KLRK1: variants seen among roughly 807,000 people sequenced by gnomAD.
KLRK1 encodes NKG2-D type II integral membrane protein.
A neutral mutation model predicts 31.3 loss-of-function variants in KLRK1; 40 were observed. That is an observed-to-expected ratio of 1.28 (90% confidence interval 0.99 to 1.67). The LOEUF is 1.67. Among genes scored for constraint, KLRK1 ranks in the 40% most tolerant of loss-of-function variants. KLRK1 has a pLI of 0.00. For synonymous variants in KLRK1, 77 were observed against 77.3 expected, an observed-to-expected ratio of 1.00 and a Z score of 0.02; for missense variants, 251 against 260.0, an observed-to-expected ratio of 0.97 and a Z score of 0.24.
chr12:10,385,138 G>T (rs1332723614), intron 3 of KLRK1, among the ~76,000 whole-genome samples: 17 of 152,084 alleles, frequency 1.1e-4, no homozygotes, highest in Non-Finnish European at 2.2e-4. Context: ...TACAATTTTG[G>T]TGGGAATGTA....
intron 2 of KLRK1, 119 bp downstream of exon 2, chr12:10,388,652 T>G: frequency 8.6e-7 from 1 of 1,161,072 alleles, no homozygotes; most frequent in Non-Finnish European, 1.2e-6. Flanking sequence ...TCAACATAAA[T>G]AGAACATGAA....
intron 2 of KLRK1, among the ~76,000 whole-genome samples, chr12:10,387,737 G>T (rs1254065113): frequency 1.3e-5 from 2 of 151,790 alleles, no homozygotes; most frequent in African/African-American, 2.4e-5. Context: ...GTACAGACGG[G>T]GTTTCACCAT....
At chr12:10,383,346 G>A (rs1211513901) in intron 3 of KLRK1, among the ~76,000 whole-genome samples, 1 of 151,926 alleles carries the variant, frequency 6.6e-6, no homozygotes, top group African/African-American at 2.4e-5. Flanking sequence ...TAAAGAGCAG[G>A]CACAGCTATA....
At chr12:10,380,059 G>GTTTTTTTTTTTTTTTT (rs1162094591) in intron 3 of KLRK1, among the ~76,000 whole-genome samples, 9 of 83,764 alleles carry the variant, frequency 1.1e-4, no homozygotes, top group Non-Finnish European at 1.5e-4. Context: ...TGTTGTTATT[G>GTTTTTTTTTTTTTTTT]TTTTTTTTTT....
rs756538760 is a variant in KLRK1 at position 10,372,373 on chromosome 12, A to G, written c.*741T>C. 2 of 152,248 alleles carry G rather than the reference A, an allele frequency of 1.3e-5. No homozygotes were observed. The highest frequency in any genetic ancestry group is 2.4e-5 in the African/African-American group (1 of 41,458). 9.4% of individuals were successfully genotyped at this position (152,248 alleles called of 1,614,324 possible). On this transcript the variant is annotated 3_prime_UTR_variant, in exon 8 of 8. Transcript: ENST00000240618. ...AGATATGCATGAGACTCAAGATTCT[A>G]TTTATTCAGAGGCAAAATTCCTTCT...
chr12:10,387,208 A>G (rs1863182310), intron 2 of KLRK1, among the ~76,000 whole-genome samples, 198 bp from the exon 3 acceptor site: 1 of 152,232 alleles, frequency 6.6e-6, no homozygotes, highest in Non-Finnish European at 1.5e-5. Flanking sequence ...AACTATATTT[A>G]TGCCATGGAA....
chr12:10,377,737 T>C (rs1023102323), intron 7 of KLRK1, among the ~76,000 whole-genome samples: 2 of 152,242 alleles, frequency 1.3e-5, no homozygotes, highest in East Asian at 1.9e-4. Context: ...TGGGCTCATA[T>C]AGTTCTCGAG....
chr12:10,379,869 A>G, intron 3 of KLRK1, 77 bp from the exon 4 acceptor site: 2 of 1,326,252 alleles, frequency 1.5e-6, no homozygotes, highest in Non-Finnish European at 2.0e-6. Flanking sequence ...TATAAATATT[A>G]GAGTTTTTTA....
In KLRK1 at chr12:10,381,267, AT is replaced by A. The variant is rs199664283; in HGVS notation, c.149-1476del. 2.1e-3 allele frequency among the ~76,000 whole-genome samples: 307 copies of A among 149,432 alleles called. 3 individuals carry two copies. Among genetic ancestry groups the A allele is most frequent in the African/African-American group, 6.4e-3 (258 of 40,292 alleles). On this transcript the variant is annotated intron_variant, in intron 3 of 7. Transcript: ENST00000240618. ...ATATTCAAAATGCCAAAAAAAAAAA[AT>A]ACCTCCTCCCAAACAAGAATACTGT...
Position 10,373,706 on chromosome 12 carries a change from G to GTGTGTA in KLRK1, c.534-476_534-475insTACACA, listed in dbSNP as rs1555118578. ...CACAAGTGTGTATAAGTGTGTGTGT[G>GTGTGTA]TGTGTGTGTGCATATGTTTAGGCAT... is the stretch of plus-strand genomic sequence containing the variant. On this transcript the variant is annotated intron_variant, in intron 7 of 7. Transcript: ENST00000240618. 7.8e-3 allele frequency among the ~76,000 whole-genome samples: 1,185 copies of GTGTGTA among 151,664 alleles called. 21 individuals carry two copies. Among genetic ancestry groups the GTGTGTA allele is most frequent in the African/African-American group, 0.028 (1,149 of 41,378 alleles).
intron 2 of KLRK1, among the ~76,000 whole-genome samples, 189 bp downstream of exon 2, chr12:10,388,582 A>G (rs1863209795): frequency 6.6e-6 from 1 of 152,198 alleles, no homozygotes. Flanking sequence ...AAATAAAGGG[A>G]AAAAAGTTTT....
At position 10,385,079 on chromosome 12, in the gene KLRK1, A is replaced by G. The variant is rs78172402; in HGVS notation, c.148+1824T>C. ...GTTAGAATAGCTATTATTTAAAAAG[A>G]CAAAAAATAACAAATGACAGTGAGG... is the stretch of plus-strand genomic sequence containing the variant. On this transcript the variant is annotated intron_variant, in intron 3 of 7. Coordinates refer to ENST00000240618, the MANE Select transcript of KLRK1 (RefSeq NM_007360.4). 9.6e-3 allele frequency among the ~76,000 whole-genome samples: 1,457 copies of G among 152,144 alleles called. 18 individuals are homozygous for G. Among genetic ancestry groups the G allele is most frequent in the African/African-American group, 0.034 (1,397 of 41,542 alleles).
intron 1 of KLRK1, 118 bp downstream of exon 1, chr12:10,389,825 G>A (rs1271012194): frequency 1.3e-5 from 2 of 151,982 alleles, no homozygotes; most frequent in East Asian, 1.9e-4. Context: ...TTCTATTCAA[G>A]CATCTAAGAA....
chr12:10,379,919 T>C, intron 3 of KLRK1, 127 bp from the exon 4 acceptor site: 1 of 799,870 alleles, frequency 1.3e-6, no homozygotes, highest in Non-Finnish European at 1.8e-6. Flanking sequence ...GCCTTAATAA[T>C]TTTTTCCAGA....
intron 4 of KLRK1, 106 bp from the exon 5 acceptor site, chr12:10,379,588 A>G: frequency 7.6e-7 from 1 of 1,319,566 alleles, no homozygotes; most frequent in Non-Finnish European, 1.0e-6. Flanking sequence ...TGTGACAAAG[A>G]TACATTTAAT....
At chr12:10,379,888 G>A (rs1863038433) in intron 3 of KLRK1, 96 bp from the exon 4 acceptor site, 2 of 1,130,930 alleles carry the variant, frequency 1.8e-6, no homozygotes, top group Non-Finnish European at 1.2e-6. Flanking sequence ...TAAATGAGAA[G>A]GTGGTATTGA....
chr12:10,379,646 C>T lies in KLRK1; in HGVS notation c.241+54G>A, dbSNP rs376770387. ...TTTATGAATACTAACAAAAATAATACATTAGCATTGTTAAATTGACAATGT... is the reference window on the plus strand; with the variant it reads ...TTTATGAATACTAACAAAAATAATATATTAGCATTGTTAAATTGACAATGT... On this transcript the variant is annotated intron_variant, in intron 4 of 7. Transcript: ENST00000240618. 3 of 1,502,560 alleles carry T rather than the reference C, an allele frequency of 2.0e-6. No individual in the cohort carries two copies. In the African/African-American group the frequency reaches 4.2e-5, roughly 21 times the overall value. 93.1% of individuals were successfully genotyped at this position (1,502,560 alleles called of 1,614,324 possible). A position where few individuals can be genotyped will look rare whatever the true frequency, so the allele number is the denominator to read the frequency against.
At chr12:10,373,256 A>G in intron 7 of KLRK1, 25 bp from the exon 8 acceptor site, 1 of 1,538,366 alleles carries the variant, frequency 6.5e-7, no homozygotes, top group African/African-American at 1.4e-5. Context: ...ATTACAAATT[A>G]CATACATGAT....
chr12:10,389,756 C>T (rs1863240637), intron 1 of KLRK1, among the ~76,000 whole-genome samples, 187 bp downstream of exon 1: 1 of 152,082 alleles, frequency 6.6e-6, no homozygotes, highest in Non-Finnish European at 1.5e-5. Flanking sequence ...AATTACCTAT[C>T]ATCAGATACA....
Sources: gnomAD v4.1 joint callset for allele counts (sites outside exome capture counted in the v4.1 genomes callset) on GRCh38, gnomAD v4.1.1 for gene constraint, MANE v1.5 for transcripts, NCBI Gene and HGNC (gene_info 2026-07-23, HGNC 2026-07-21) for gene names.